POPDC3: variants seen among roughly 807,000 people sequenced by gnomAD.
POPDC3 encodes popeye domain-containing protein 3.
In POPDC3, 20 loss-of-function variants were observed where a neutral mutation model predicts 28.2. The observed-to-expected ratio is 0.71, with a 90% CI of 0.50 to 1.03. The LOEUF (loss-of-function observed/expected upper bound fraction) is 1.03. Among genes scored for constraint, POPDC3 ranks in the 50% least tolerant of loss-of-function variants. The pLI is 0.00. For synonymous variants in POPDC3, 118 were observed against 124.1 expected (o/e 0.95, Z 0.33); for missense variants, 316 against 345.9 (o/e 0.91, Z 0.69).
intron 1 of POPDC3, among the ~76,000 whole-genome samples, chr6:105,176,228 C>T (rs1364051374): frequency 1.3e-5 from 2 of 152,164 alleles, no homozygotes; most frequent in Non-Finnish European, 2.9e-5. Flanking sequence ...AGGCAGCACT[C>T]ACAACCAGAA....
chr6:105,175,861 G>GA (rs1341132737), intron 1 of POPDC3, among the ~76,000 whole-genome samples: 2 of 152,006 alleles, frequency 1.3e-5, no homozygotes, highest in East Asian at 3.9e-4. Context: ...AATAAAGAAA[G>GA]AAAGAATAAA....
intron 1 of POPDC3, chr6:105,169,807 G>A (rs908322612): frequency 6.6e-6 from 1 of 152,104 alleles, no homozygotes; most frequent in African/African-American, 2.4e-5. Flanking sequence ...AGTTAAGTTG[G>A]TTGCCTAGGG....
chr6:105,175,184 T>C (rs188196590), intron 1 of POPDC3, among the ~76,000 whole-genome samples: 42 of 151,696 alleles, frequency 2.8e-4, no homozygotes, highest in African/African-American at 9.7e-4. Context: ...AAAAATTGTA[T>C]CTGAAATGAA....
At position 105,161,640 on chromosome 6, in the gene POPDC3, C is replaced by T. The variant is rs146819030; in HGVS notation, c.270G>A (p.Met90Ile). 2,755 of 1,614,172 alleles carry T rather than the reference C, an allele frequency of 1.7e-3. 6 individuals carry two copies. The highest frequency in any genetic ancestry group is 2.0e-3 in the Non-Finnish European group (2,309 of 1,180,040). ...WNFVLFVICF[M>I]QFVHIAYQVR... ...CTTGATATGCAATATGAACAAATTGCATGAAGCAGATGACAAACAGTACAA... is the reference window on the plus strand; with the variant it reads ...CTTGATATGCAATATGAACAAATTGTATGAAGCAGATGACAAACAGTACAA... Residue 90 changes from methionine (M) to isoleucine (I), a missense_variant, in exon 2 of 4, where the codon ATG (methionine) becomes ATA (isoleucine). Physicochemically the swap from Met to Ile is conservative, Grantham distance 10. Transcript: ENST00000254765.
rs2114522107 is a variant in POPDC3 at position 105,158,747 on chromosome 6, G to T, written c.599C>A (p.Thr200Asn). 3 of 1,602,834 alleles carry T rather than the reference G, an allele frequency of 1.9e-6. No homozygotes were observed. Among genetic ancestry groups the T allele is most frequent in the Non-Finnish European group, 2.6e-6 (3 of 1,172,750 alleles). Residue 200 changes from threonine (T) to asparagine (N), a missense_variant, in exon 4 of 4, where the codon ACC becomes AAC. By Grantham distance (65) the Thr-to-Asn change is moderately conservative. Coordinates refer to ENST00000254765, the MANE Select transcript of POPDC3 (RefSeq NM_022361.5). ...RPTEEGIFQV[T>N]LTAETDCRYV... ...TCGACAATCAGTTTCTGCAGTGAGG[G>T]TTACCTAAAAAACACAAGACCACAC... is the stretch of plus-strand genomic sequence containing the variant.
intron 1 of POPDC3, among the ~76,000 whole-genome samples, chr6:105,171,378 A>C (rs4946659): frequency 0.68 from 102,832 of 152,100 alleles, 40,680 homozygotes; most frequent in East Asian, 0.88. Flanking sequence ...AATATATGCA[A>C]TAATTCAGGG....
Position 105,161,433 on chromosome 6 carries a change from A to C in POPDC3, c.477T>G (p.Val159=), listed in dbSNP as rs1774325008. Residue 159 remains valine, a synonymous_variant, in exon 2 of 4, where the codon GTT becomes GTG. Transcript: ENST00000254765. Reference sequence around the variant, plus strand: ...GCACCAAAGGTACAAACCTTCCTGAAACAAGCAAGGAGAGTTTATCAATGG... The same window carrying C: ...GCACCAAAGGTACAAACCTTCCTGACACAAGCAAGGAGAGTTTATCAATGG... ...KTSIDKLSLL[V]SGRIRVTVDG... The C allele has an allele frequency of 5.6e-6, 9 of 1,611,956 alleles. No individual in the cohort carries two copies. Among genetic ancestry groups the C allele is most frequent in the Non-Finnish European group, 7.6e-6 (9 of 1,178,836 alleles).
At chr6:105,177,868 G>A (rs2114551741) in intron 1 of POPDC3, among the ~76,000 whole-genome samples, 1 of 152,240 alleles carries the variant, frequency 6.6e-6, no homozygotes, top group Non-Finnish European at 1.5e-5. Flanking sequence ...ATCAATCCCT[G>A]GATTCTCTGG....
chr6:105,167,155 GA>G (rs1774473822), intron 1 of POPDC3, among the ~76,000 whole-genome samples: 1 of 151,850 alleles, frequency 6.6e-6, no homozygotes, highest in African/African-American at 2.4e-5. Context: ...AGGAAGAGGT[GA>G]AAGGATCTAT....
chr6:105,166,990 C>T (rs1478241303), intron 1 of POPDC3, among the ~76,000 whole-genome samples: 1 of 151,180 alleles, frequency 6.6e-6, no homozygotes, highest in African/African-American at 2.4e-5. Flanking sequence ...ACAAAGTGGT[C>T]TTTAGTAAAC....
At chr6:105,177,062 A>C (rs1343006550) in intron 1 of POPDC3, 1 of 351,654 alleles carries the variant, frequency 2.8e-6, no homozygotes, top group East Asian at 1.6e-4. Context: ...AAACATTTAA[A>C]AAAATCCATG....
intron 1 of POPDC3, among the ~76,000 whole-genome samples, chr6:105,171,337 C>T (rs9500047): frequency 0.022 from 3,273 of 152,164 alleles, 113 homozygotes; most frequent in African/African-American, 0.075. Flanking sequence ...GTATCATTAG[C>T]TCTCAAATGG....
chr6:105,161,947 T>C lies in POPDC3; in HGVS notation c.-38A>G, dbSNP rs767463426. ...GCCTGCTTCACTTTTCAGTTGACTT[T>C]AGATGACACTGAAACAGGTAACTAA... On this transcript the variant is annotated 5_prime_UTR_variant, in exon 2 of 4. Coordinates refer to ENST00000254765, the MANE Select transcript of POPDC3 (RefSeq NM_022361.5). The C allele has an allele frequency of 1.3e-6, 2 of 1,547,568 alleles. No homozygotes were observed. Among genetic ancestry groups the C allele is most frequent in the South Asian group, 2.6e-5 (2 of 77,592 alleles).
At chr6:105,160,909 GCACCTGGCCTGTTTT>G (rs1319045283) in intron 2 of POPDC3, among the ~76,000 whole-genome samples, 9 of 152,030 alleles carry the variant, frequency 5.9e-5, no homozygotes, top group African/African-American at 2.2e-4. Flanking sequence ...GTTAGCCACC[GCACCTGGCCTGTTTT>G]CAAAGTTTAG....
rs1474919511 is a variant in POPDC3 at position 105,179,961 on chromosome 6, C to G, written c.-380G>C. 1.3e-5 allele frequency: 2 copies of G among 149,030 alleles called. No homozygotes were observed. The allele number at this position is 149,030 out of a possible 1,614,324, so 9.2% of individuals were successfully genotyped here. ...CCCTCGTGAGTGCCTCGCCGCCCAC[C>G]CTGCGGCGCCGGGCGCAGCGTGACC... On this transcript the variant is annotated 5_prime_UTR_variant, in exon 1 of 4. Coordinates refer to ENST00000254765, the MANE Select transcript of POPDC3 (RefSeq NM_022361.5).
At chr6:105,160,280 G>A (rs1774292851) in intron 2 of POPDC3, among the ~76,000 whole-genome samples, 2 of 152,016 alleles carry the variant, frequency 1.3e-5, no homozygotes, top group African/African-American at 4.8e-5. Flanking sequence ...GGCACAATCT[G>A]GGCTCCCTGC....
At chr6:105,164,251 G>A (rs1448955167) in intron 1 of POPDC3, among the ~76,000 whole-genome samples, 1 of 152,126 alleles carries the variant, frequency 6.6e-6, no homozygotes, top group Non-Finnish European at 1.5e-5. Context: ...ATAGAGAAAG[G>A]CCATGTAAAA....
intron 1 of POPDC3, among the ~76,000 whole-genome samples, chr6:105,176,622 T>A (rs1179462797): frequency 6.6e-6 from 1 of 152,152 alleles, no homozygotes; most frequent in African/African-American, 2.4e-5. Context: ...GGTGGCGCGA[T>A]CTCAGCTCAC....
At chr6:105,179,527 G>A (rs1439467004) in intron 1 of POPDC3, among the ~76,000 whole-genome samples, 1 of 152,192 alleles carries the variant, frequency 6.6e-6, no homozygotes, top group Non-Finnish European at 1.5e-5. Context: ...AGCCTCTAGG[G>A]CATACGACTC....
Sources: allele counts gnomAD v4.1 joint callset (sites outside exome capture counted in the v4.1 genomes callset), GRCh38; gene constraint gnomAD v4.1.1; transcripts MANE v1.5; gene names NCBI Gene and HGNC (gene_info 2026-07-23, HGNC 2026-07-21).